The following TUB variants were observed in gnomAD, a reference collection of about 807,000 sequenced individuals.
TUB encodes tubby protein homolog.
A neutral mutation model predicts 59.7 loss-of-function variants in TUB; 33 were observed. The ratio of observed to expected loss-of-function variants is 0.55; its 90% CI spans 0.42 to 0.74. The LOEUF (loss-of-function observed/expected upper bound fraction) is 0.74, where lower values mean the gene tolerates loss of function less well. TUB is among the 30% of genes least tolerant of loss of function. The probability of loss-of-function intolerance (pLI) is 0.00; values close to 1 mark genes in which losing one functional copy is unlikely to be tolerated. For missense variants in TUB, 659 were observed against 672.0 expected, an observed-to-expected ratio of 0.98 and a Z score of 0.21; for synonymous variants, 293 against 256.4, an observed-to-expected ratio of 1.14 and a Z score of -1.36.
chr11:8,026,324 T>A (rs927590312), intron 1 of TUB, among the ~76,000 whole-genome samples: 2 of 152,200 alleles, frequency 1.3e-5, no homozygotes, highest in East Asian at 3.8e-4. Flanking sequence ...TCAGTTTTTT[T>A]ATAGATTGTT....
intron 5 of TUB, among the ~76,000 whole-genome samples, chr11:8,096,283 C>A (rs142994471): frequency 6.6e-6 from 1 of 152,190 alleles, no homozygotes; most frequent in Non-Finnish European, 1.5e-5. Flanking sequence ...TGGTCTATGC[C>A]AGCCAAGGCC....
chr11:8,067,555 A>C (rs1430260908), intron 2 of TUB: 1 of 152,160 alleles, frequency 6.6e-6, no homozygotes, highest in African/African-American at 2.4e-5. Context: ...GACAGGAAAA[A>C]TTCTCCTCAT....
chr11:8,019,360 T>A lies in TUB; in HGVS notation c.56+2T>A. 7.9e-7 allele frequency: 1 copy of A among 1,259,860 alleles called. No individual in the cohort carries two copies. 78.0% of individuals were successfully genotyped at this position (1,259,860 alleles called of 1,614,324 possible). ...TTACAGCCGCTGGAGCTATGACAGG[T>A]AGGGCGCCCGAAGGGTGGCCCTGCG... On this transcript the variant is annotated splice_donor_variant, in intron 1 of 11. Coordinates refer to the TUB transcript ENST00000534099. LOFTEE classifies it high-confidence loss of function.
chr11:8,041,895 G>A (rs570949095), intron 2 of TUB, among the ~76,000 whole-genome samples: 6 of 152,188 alleles, frequency 3.9e-5, no homozygotes, highest in Admixed American at 1.3e-4. Context: ...AGCCTCCAGC[G>A]AGCCCCCAGC....
chr11:8,100,374 A>G, intron 9 of TUB, 129 bp from the exon 10 acceptor site: 1 of 727,716 alleles, frequency 1.4e-6, no homozygotes, highest in Non-Finnish European at 2.4e-6. Context: ...TTAGGTTTAG[A>G]GGGATGTGTG....
chr11:8,070,927 A>C (rs918365107), intron 2 of TUB, among the ~76,000 whole-genome samples: 1 of 152,022 alleles, frequency 6.6e-6, no homozygotes, highest in Non-Finnish European at 1.5e-5. Context: ...AATCACTCTC[A>C]CTGCCATGTG....
At chr11:8,022,535 GTGCATGTCAGTTATCTAT>G (rs1312102024) in intron 1 of TUB, among the ~76,000 whole-genome samples, 1 of 152,194 alleles carries the variant, frequency 6.6e-6, no homozygotes, top group Non-Finnish European at 1.5e-5. Flanking sequence ...TCTGGGCCAT[GTGCATGTCAGTTATCTAT>G]TGCCATGTTA....
intron 1 of TUB, among the ~76,000 whole-genome samples, chr11:8,031,775 A>G (rs937112215): frequency 2.0e-5 from 3 of 152,130 alleles, no homozygotes; most frequent in African/African-American, 7.2e-5. Flanking sequence ...AGGCTGGCGC[A>G]GGCCCACGGC....
Position 8,106,149 on chromosome 11 carries a change from G to T in TUB, c.*4530G>T, listed in dbSNP as rs1168413354. 1 of 152,126 alleles carries T rather than the reference G, an allele frequency of 6.6e-6. No individual in the cohort carries two copies. Among genetic ancestry groups the T allele is most frequent in the Non-Finnish European group, 1.5e-5 (1 of 68,040 alleles). The allele number at this position is 152,126 out of a possible 1,614,324, so 9.4% of individuals were successfully genotyped here. On this transcript the variant is annotated 3_prime_UTR_variant, in exon 12 of 12. Transcript: ENST00000299506. Reference sequence around the variant, plus strand: ...ATTGGTATGTGCAATGACAAACTTGGTATTTTCCCATGTTGACATTATGTA... The same window carrying T: ...ATTGGTATGTGCAATGACAAACTTGTTATTTTCCCATGTTGACATTATGTA...
chr11:8,061,423 G>T (rs373745300), intron 2 of TUB, among the ~76,000 whole-genome samples: 5 of 152,268 alleles, frequency 3.3e-5, no homozygotes, highest in African/African-American at 1.2e-4. Context: ...ACACCCTGCG[G>T]TGCCTCTACA....
At chr11:8,031,397 TCTAAAAGCC>T (rs1274100133) in intron 1 of TUB, among the ~76,000 whole-genome samples, 1 of 151,970 alleles carries the variant, frequency 6.6e-6, no homozygotes, top group Non-Finnish European at 1.5e-5. Context: ...GCTGGTGAGC[TCTAAAAGCC>T]CTAAAAGCAC....
chr11:8,100,121 A>T (rs986572521), intron 9 of TUB, among the ~76,000 whole-genome samples: 3 of 152,148 alleles, frequency 2.0e-5, no homozygotes, highest in African/African-American at 7.2e-5. Context: ...AGGCTGTTAG[A>T]ATGATCTTGG....
intron 5 of TUB, 79 bp downstream of exon 5, chr11:8,095,744 C>G (rs536505775): frequency 3.5e-4 from 513 of 1,451,006 alleles, no homozygotes; most frequent in Non-Finnish European, 4.4e-4. Context: ...GGGAGCATGG[C>G]CTTCCTGTGT....
At chr11:8,066,573 C>G (rs112969862) in intron 2 of TUB, among the ~76,000 whole-genome samples, 1 of 152,180 alleles carries the variant, frequency 6.6e-6, no homozygotes, top group Non-Finnish European at 1.5e-5. Context: ...GAAGCTGCCT[C>G]AGACTTCCCT....
chr11:8,105,801 C>T lies in TUB; in HGVS notation c.*4182C>T, dbSNP rs905484252. 3 of 152,176 alleles carry T rather than the reference C, an allele frequency of 2.0e-5. No individual in the cohort carries two copies. The highest frequency in any genetic ancestry group is 7.2e-5 in the African/African-American group (3 of 41,404). 9.4% of individuals were successfully genotyped at this position (152,176 alleles called of 1,614,324 possible). On this transcript the variant is annotated 3_prime_UTR_variant, in exon 12 of 12. Transcript: ENST00000299506. ...TCTCCTCCTCTGTGCTCCTGTCCCT[C>T]CCTCCCCCTAGCAAGGTCCAGGCAA...
intron 2 of TUB, among the ~76,000 whole-genome samples, chr11:8,048,416 T>A (rs1942873496): frequency 6.6e-6 from 1 of 152,216 alleles, no homozygotes; most frequent in Non-Finnish European, 1.5e-5. Flanking sequence ...TAGATTTTTT[T>A]AATGAGATGA....
intron 2 of TUB, among the ~76,000 whole-genome samples, chr11:8,071,355 G>C (rs1943356945): frequency 6.6e-6 from 1 of 152,162 alleles, no homozygotes; most frequent in African/African-American, 2.4e-5. Flanking sequence ...TGGGGCCCAT[G>C]ATGATGGAGC....
Position 8,081,333 on chromosome 11 carries a change from G to T in TUB, c.-178G>T. The T allele has an allele frequency of 1.0e-6, 1 of 981,222 alleles. No homozygotes were observed. Among genetic ancestry groups the T allele is most frequent in the Non-Finnish European group, 1.2e-6 (1 of 826,546 alleles). 60.8% of individuals were successfully genotyped at this position (981,222 alleles called of 1,614,324 possible). ...CTCGCCTCGCCGCGCCGCGCAGGCA[G>T]CCGCTCGCAGAGCCAGCAGCCGGGG... On this transcript the variant is annotated 5_prime_UTR_variant, in exon 1 of 12. Coordinates refer to ENST00000299506, the MANE Select transcript of TUB (RefSeq NM_177972.3).
At chr11:8,061,388 A>C (rs1460981114) in intron 2 of TUB, among the ~76,000 whole-genome samples, 1 of 152,088 alleles carries the variant, frequency 6.6e-6, no homozygotes, top group East Asian at 1.9e-4. Flanking sequence ...AGGATGAGAG[A>C]GCTGGCCTCA....
Sources: gnomAD v4.1 joint callset for allele counts (sites outside exome capture counted in the v4.1 genomes callset) on GRCh38, gnomAD v4.1.1 for gene constraint, MANE v1.5 for transcripts, NCBI Gene and HGNC (gene_info 2026-07-23, HGNC 2026-07-21) for gene names.